The following MYH11 variants were observed in gnomAD, a reference collection of about 807,000 sequenced individuals.
The protein encoded by MYH11 is myosin heavy chain 11.
In MYH11, 80 loss-of-function variants were observed where a neutral mutation model predicts 246.6. The observed-to-expected ratio is 0.32, with a 90% CI of 0.27 to 0.39. MYH11 has a LOEUF of 0.39. Among genes scored for constraint, MYH11 ranks in the 10% least tolerant of loss-of-function variants. The pLI, the probability that MYH11 is intolerant of heterozygous loss-of-function variation, is 1.00. For missense variants in MYH11, 2,158 were observed against 2,546.8 expected (o/e 0.85, Z 3.29); for synonymous variants, 1,071 against 1,015.5 (o/e 1.05, Z -1.04).
intron 1 of MYH11, among the ~76,000 whole-genome samples, chr16:15,842,875 A>C (rs1044631521): frequency 2.0e-5 from 3 of 151,968 alleles, no homozygotes; most frequent in African/African-American, 7.3e-5. Context: ...GGTAGACAAC[A>C]TGTATTGTCC....
At chr16:15,706,715 CAAAA>C (rs554587198) in intron 40 of MYH11, among the ~76,000 whole-genome samples, 15 of 150,122 alleles carry the variant, frequency 1.0e-4, no homozygotes, top group Middle Eastern at 3.4e-3. Flanking sequence ...AAAAAAAAAA[CAAAA>C]AAAAATCTGA....
chr16:15,833,058 G>A (rs1018191349), intron 2 of MYH11, among the ~76,000 whole-genome samples: 13 of 148,600 alleles, frequency 8.7e-5, no homozygotes, highest in African/African-American at 3.2e-4. Context: ...CACTTTGGGA[G>A]GCCGAAGTGG....
chr16:15,768,614 CT>C (rs1406146942), intron 9 of MYH11, among the ~76,000 whole-genome samples: 3 of 152,168 alleles, frequency 2.0e-5, no homozygotes, highest in African/African-American at 7.2e-5. Context: ...CCATTATTTG[CT>C]TAATCATTTT....
chr16:15,728,817 C>G (rs1231309648), intron 27 of MYH11, among the ~76,000 whole-genome samples: 5 of 151,886 alleles, frequency 3.3e-5, no homozygotes, highest in African/African-American at 1.2e-4. Flanking sequence ...GGAGAATTGC[C>G]TGAACCCAGG....
Position 15,823,476 on chromosome 16 carries a change from C to T in MYH11, c.346-65G>A, listed in dbSNP as rs1241488015. On this transcript the variant is annotated intron_variant, in intron 2 of 40. Coordinates refer to ENST00000300036, the MANE Select transcript of MYH11 (RefSeq NM_002474.3). ...AGGGTAGACAGATTGCACAGAAGCACTCAATATTCTCATGTTAGAGATGGG... is the reference window on the plus strand; with the variant it reads ...AGGGTAGACAGATTGCACAGAAGCATTCAATATTCTCATGTTAGAGATGGG... 3.1e-6 allele frequency: 5 copies of T among 1,588,444 alleles called. No homozygotes were observed. The East Asian group carries it at 1.1e-4, about 35-fold the overall frequency.
At chr16:15,800,203 G>A (rs1005736779) in intron 3 of MYH11, among the ~76,000 whole-genome samples, 2 of 151,894 alleles carry the variant, frequency 1.3e-5, no homozygotes, top group African/African-American at 2.4e-5. Flanking sequence ...AGGAAGAAAG[G>A]AAAGAAGGAA....
intron 2 of MYH11, among the ~76,000 whole-genome samples, chr16:15,832,624 C>T (rs1453794235): frequency 6.6e-6 from 1 of 152,196 alleles, no homozygotes; most frequent in African/African-American, 2.4e-5. Context: ...ACAAAAATCA[C>T]TCCTCTGTGT....
At chr16:15,806,815 CTTG>C (rs2043024668) in intron 3 of MYH11, among the ~76,000 whole-genome samples, 1 of 152,140 alleles carries the variant, frequency 6.6e-6, no homozygotes, top group Non-Finnish European at 1.5e-5. Context: ...TCAGGAAATG[CTTG>C]TTATTTTGAA....
chr16:15,720,644 C>T (rs1055763423), intron 33 of MYH11, among the ~76,000 whole-genome samples, 195 bp downstream of exon 33: 1 of 151,780 alleles, frequency 6.6e-6, no homozygotes, highest in Non-Finnish European at 1.5e-5. Flanking sequence ...CCAAGCTACT[C>T]GGGAGGCTGA....
At chr16:15,780,473 G>GGTTTT (rs2042325381) in intron 6 of MYH11, among the ~76,000 whole-genome samples, 1 of 51,714 alleles carries the variant, frequency 1.9e-5, no homozygotes, top group African/African-American at 7.5e-5. Flanking sequence ...AGATTTTTAC[G>GGTTTT]CTTTTTTTTT....
intron 33 of MYH11, 63 bp downstream of exon 33, chr16:15,720,776 G>T: frequency 6.6e-7 from 1 of 1,504,512 alleles, no homozygotes; most frequent in South Asian, 1.1e-5. Context: ...AACCATGAGA[G>T]TGGTGATAGG....
chr16:15,759,831 C>G (rs746409421), intron 11 of MYH11, 103 bp from the exon 12 acceptor site: 10 of 1,439,598 alleles, frequency 6.9e-6, no homozygotes, highest in Non-Finnish European at 2.9e-6. Context: ...GGTGCAGTGA[C>G]TCACACTGTA....
At chr16:15,831,464 G>GGTGGGT (rs1555458280) in intron 2 of MYH11, among the ~76,000 whole-genome samples, 2,895 of 145,652 alleles carry the variant, frequency 0.02, 101 homozygotes, top group African/African-American at 0.07. Flanking sequence ...TTATGTTTGG[G>GGTGGGT]GTGTGTGTGT....
chr16:15,704,478 C>T (rs1046956318), intron 40 of MYH11, among the ~76,000 whole-genome samples: 4 of 152,114 alleles, frequency 2.6e-5, no homozygotes, highest in East Asian at 1.9e-4. Flanking sequence ...AGGAAAAAAA[C>T]GCCAAAAACC....
rs188810119 is a variant in MYH11, at chr16:15,789,971, T to C, written c.531-3239A>G. 4.0e-3 allele frequency among the ~76,000 whole-genome samples: 609 copies of C among 152,254 alleles called. 8 individuals carry two copies. Among genetic ancestry groups the C allele is most frequent in the African/African-American group, 0.014 (563 of 41,556 alleles). On this transcript the variant is annotated intron_variant, in intron 4 of 40. Coordinates refer to ENST00000300036, the MANE Select transcript of MYH11 (RefSeq NM_002474.3). The stretch of plus-strand genomic sequence containing the variant: ...CCTTTCCCACAATAGTTCCTTCCTT[T>C]CCACCCTGGCCTTGAACCTCTCTCA...
chr16:15,704,229 T>A, intron 40 of MYH11, 106 bp from the exon 41 acceptor site: 1 of 1,391,748 alleles, frequency 7.2e-7, no homozygotes, highest in Non-Finnish European at 9.9e-7. Context: ...TATTGCAATA[T>A]AAATTTTTTT....
At chr16:15,803,433 C>T (rs1485520526) in intron 3 of MYH11, among the ~76,000 whole-genome samples, 1 of 151,922 alleles carries the variant, frequency 6.6e-6, no homozygotes. Flanking sequence ...CGTGCCACCA[C>T]GCCTGGCTAA....
chr16:15,780,011 T>G (rs2151300246), intron 6 of MYH11, among the ~76,000 whole-genome samples: 1 of 152,262 alleles, frequency 6.6e-6, no homozygotes, highest in Non-Finnish European at 1.5e-5. Flanking sequence ...GATGACCATA[T>G]CCCAGATGGA....
At chr16:15,742,302 A>G (rs1183074296) in intron 20 of MYH11, 1 of 258,202 alleles carries the variant, frequency 3.9e-6, no homozygotes, top group Non-Finnish European at 7.6e-6. Context: ...CAAAAGGGAG[A>G]AAAAAAATCT....
Sources: allele counts gnomAD v4.1 joint callset (sites outside exome capture counted in the v4.1 genomes callset), GRCh38; gene constraint gnomAD v4.1.1; transcripts MANE v1.5; gene names NCBI Gene and HGNC (gene_info 2026-07-23, HGNC 2026-07-21).